The following RIMS1 variants were observed in gnomAD, a reference collection of about 807,000 sequenced individuals.
RIMS1 encodes regulating synaptic membrane exocytosis protein 1.
Under a neutral mutation model 214.1 loss-of-function variants are expected in RIMS1, and 83 were observed. That is an observed-to-expected ratio of 0.39 (90% CI 0.32 to 0.47). The LOEUF (loss-of-function observed/expected upper bound fraction) is 0.47. Among genes scored for constraint, RIMS1 ranks in the 20% least tolerant of loss-of-function variants. RIMS1 has a pLI of 0.99. For synonymous variants in RIMS1, 793 were observed against 786.8 expected (o/e 1.01, Z -0.13); for missense variants, 2,050 against 2,161.8 (o/e 0.95, Z 1.03).
chr6:72,353,987 A>G (rs952451518), intron 29 of RIMS1, among the ~76,000 whole-genome samples: 1 of 152,192 alleles, frequency 6.6e-6, no homozygotes, highest in African/African-American at 2.4e-5. Context: ...TGGGAGGCCG[A>G]GGAAGGTGAA....
intron 2 of RIMS1, among the ~76,000 whole-genome samples, chr6:72,036,296 A>G (rs143695954): frequency 6.6e-6 from 1 of 152,328 alleles, no homozygotes; most frequent in Non-Finnish European, 1.5e-5. Context: ...GAAATATAAT[A>G]CAGAAAGGCA....
Position 72,064,427 on chromosome 6 carries a change from T to C in RIMS1, c.246-32522T>C, listed in dbSNP as rs533299967. ...AATTACATTTTGAGGTACTGGGAGT[T>C]AGGACTTCAGCATATGAATTGTTGA... On this transcript the variant is annotated intron_variant, in intron 2 of 33. Transcript: ENST00000521978. 5.3e-4 allele frequency among the ~76,000 whole-genome samples: 80 copies of C among 152,094 alleles called. 1 individual carries two copies. In the South Asian group the frequency reaches 0.016, roughly 31 times the overall value.
chr6:72,290,151 CA>C (rs1563627721), intron 24 of RIMS1, among the ~76,000 whole-genome samples: 1 of 152,132 alleles, frequency 6.6e-6, no homozygotes, highest in Non-Finnish European at 1.5e-5. Flanking sequence ...AGATTAACCT[CA>C]AAAGGCAGGC....
chr6:72,182,698 C>A lies in RIMS1; in HGVS notation c.1227C>A (p.Ala409=). 6.6e-7 allele frequency: 1 copy of A among 1,506,312 alleles called. No individual in the cohort carries two copies. Among genetic ancestry groups the A allele is most frequent in the African/African-American group, 1.4e-5 (1 of 69,046 alleles). 93.3% of individuals were successfully genotyped at this position (1,506,312 alleles called of 1,614,324 possible). The change falls in exon 6 of 34, where the codon GCC becomes GCA. Residue 409 remains alanine, a synonymous_variant. Transcript: ENST00000521978. ...EAGAALPEGK[A]GKRAPAAARA... ...GCGCGGCGCTGCCGGAGGGCAAGGC[C>A]GGCAAACGCGCGCCGGCGGCAGCCA...
chr6:72,050,825 G>C (rs1562204684), intron 2 of RIMS1, among the ~76,000 whole-genome samples: 1 of 152,174 alleles, frequency 6.6e-6, no homozygotes, highest in Admixed American at 6.6e-5. Context: ...CAGTGCTCCA[G>C]TGTGGGACAT....
At chr6:71,962,906 T>A (rs1449687109) in intron 1 of RIMS1, among the ~76,000 whole-genome samples, 1 of 152,182 alleles carries the variant, frequency 6.6e-6, no homozygotes, top group African/African-American at 2.4e-5. Context: ...TTTCATAGTA[T>A]TCCAGTATTG....
intron 2 of RIMS1, among the ~76,000 whole-genome samples, chr6:72,039,009 G>GA (rs1175097585): frequency 6.6e-6 from 1 of 151,932 alleles, no homozygotes; most frequent in Non-Finnish European, 1.5e-5. Flanking sequence ...GTGATAATCT[G>GA]AAAAAAATTA....
chr6:72,382,127 G>A (rs2098501235), intron 29 of RIMS1, among the ~76,000 whole-genome samples: 1 of 152,106 alleles, frequency 6.6e-6, no homozygotes, highest in Admixed American at 6.6e-5. Context: ...GGAAAATAGT[G>A]GAGTTTATGA....
At position 72,162,610 on chromosome 6, in the gene RIMS1, T is replaced by C. The variant is rs1212507621; in HGVS notation, c.472-16965T>C. 2.1e-5 allele frequency among the ~76,000 whole-genome samples: 3 copies of C among 140,456 alleles called. 1 individual carries two copies. The highest frequency in any genetic ancestry group is 4.8e-5 in the Non-Finnish European group (3 of 61,916). The allele number at this position is 140,456 out of a possible 152,430, so 92.1% of individuals were successfully genotyped here. A position where few individuals can be genotyped will look rare whatever the true frequency, so the allele number is the denominator to read the frequency against. The stretch of plus-strand genomic sequence containing the variant: ...GGTGACAAAATCTCTCAGCATTTGC[T>C]TGTCTGTAAAGGATTTTATTTCTCC... On this transcript the variant is annotated intron_variant, in intron 4 of 33. Coordinates refer to ENST00000521978, the MANE Select transcript of RIMS1 (RefSeq NM_014989.7).
chr6:72,021,030 T>C (rs993817387), intron 2 of RIMS1, among the ~76,000 whole-genome samples: 4 of 152,240 alleles, frequency 2.6e-5, no homozygotes, highest in African/African-American at 9.6e-5. Flanking sequence ...TTGTAGTGAA[T>C]GTGATAGAAT....
chr6:72,286,845 A>T (rs893602757), intron 24 of RIMS1, among the ~76,000 whole-genome samples: 6 of 152,224 alleles, frequency 3.9e-5, no homozygotes, highest in African/African-American at 1.2e-4. Flanking sequence ...CTGTTTAATG[A>T]TCATAATTTT....
At chr6:71,936,528 G>A (rs1037881780) in intron 1 of RIMS1, among the ~76,000 whole-genome samples, 1 of 152,068 alleles carries the variant, frequency 6.6e-6, no homozygotes. Context: ...GTTTAGTTCA[G>A]TTCTTCCCTT....
At chr6:72,086,576 T>C (rs1834715120) in intron 2 of RIMS1, among the ~76,000 whole-genome samples, 1 of 152,200 alleles carries the variant, frequency 6.6e-6, no homozygotes, top group Non-Finnish European at 1.5e-5. Context: ...GACCTTCTTA[T>C]GCTACTTTCT....
intron 1 of RIMS1, among the ~76,000 whole-genome samples, chr6:71,925,753 G>A (rs1781390395): frequency 6.6e-6 from 1 of 152,174 alleles, no homozygotes; most frequent in Non-Finnish European, 1.5e-5. Context: ...AAGAAAAATT[G>A]AGACATTAAA....
intron 4 of RIMS1, among the ~76,000 whole-genome samples, chr6:72,149,411 T>C (rs754419868): frequency 6.6e-6 from 1 of 152,122 alleles, no homozygotes; most frequent in Non-Finnish European, 1.5e-5. Context: ...AGGACAACAA[T>C]GAGGTGTTGC....
intron 29 of RIMS1, among the ~76,000 whole-genome samples, chr6:72,337,940 A>ATAG (rs2096903416): frequency 6.6e-6 from 1 of 151,694 alleles, no homozygotes. Flanking sequence ...TTATGGCTGC[A>ATAG]TAGTATTCCA....
chr6:72,136,378 T>C (rs1417091096), intron 4 of RIMS1, among the ~76,000 whole-genome samples: 1 of 151,996 alleles, frequency 6.6e-6, no homozygotes, highest in Non-Finnish European at 1.5e-5. Context: ...TTTATTACTC[T>C]TAGTATAAAC....
chr6:72,205,248 G>A (rs1376434760), intron 6 of RIMS1, among the ~76,000 whole-genome samples: 1 of 152,102 alleles, frequency 6.6e-6, no homozygotes, highest in East Asian at 1.9e-4. Flanking sequence ...GTTATTAAGA[G>A]AGAATTGCCA....
At position 72,390,590 on chromosome 6, in the gene RIMS1, C is replaced by T. The variant is rs779952862; in HGVS notation, c.4367-8C>T. 2 of 1,609,714 alleles carry T rather than the reference C, an allele frequency of 1.2e-6. No individual in the cohort carries two copies. Among genetic ancestry groups the T allele is most frequent in the Non-Finnish European group, 1.7e-6 (2 of 1,177,566 alleles). On this transcript the variant is annotated splice_region_variant and splice_polypyrimidine_tract_variant and intron_variant, in intron 29 of 33. Coordinates refer to ENST00000521978, the MANE Select transcript of RIMS1 (RefSeq NM_014989.7). Reference sequence around the variant, plus strand: ...AAACTTAGAGTTTCTTTTACTCTCTCCTGTCAGAGTCGGGCCACAAAAAGT... The same window carrying T: ...AAACTTAGAGTTTCTTTTACTCTCTTCTGTCAGAGTCGGGCCACAAAAAGT...
Sources: gnomAD v4.1 joint callset for allele counts (sites outside exome capture counted in the v4.1 genomes callset) on GRCh38, gnomAD v4.1.1 for gene constraint, MANE v1.5 for transcripts, NCBI Gene and HGNC (gene_info 2026-07-23, HGNC 2026-07-21) for gene names.